Variants in ZFYVE1 observed in about 807,000 individuals in gnomAD.
The protein encoded by ZFYVE1 is zinc finger FYVE domain-containing protein 1.
A neutral mutation model predicts 74.4 loss-of-function variants in ZFYVE1; 30 were observed. That is an observed-to-expected ratio of 0.40 (90% CI 0.30 to 0.55). ZFYVE1 has a LOEUF of 0.55. Among genes scored for constraint, ZFYVE1 ranks in the 20% least tolerant of loss-of-function variants. The pLI is 0.42. For missense variants in ZFYVE1, 703 were observed against 1,011.6 expected (o/e 0.69, Z 4.14); for synonymous variants, 335 against 385.1 (o/e 0.87, Z 1.52).
Position 73,027,009 on chromosome 14 carries a change from G to A in ZFYVE1, c.-518C>T. The A allele has an allele frequency of 1.0e-5, 4 of 398,912 alleles. No homozygotes were observed. Among genetic ancestry groups the A allele is most frequent in the African/African-American group, 2.1e-5 (1 of 48,740 alleles). The allele number at this position is 398,912 out of a possible 1,614,324, so 24.7% of individuals were successfully genotyped here. A position where few individuals can be genotyped will look rare whatever the true frequency, so the allele number is the denominator to read the frequency against. ...GCAGAGGCTATTCCTCAGGACACCG[G>A]CAGATCCATCCTCATCTCCATCTCC... On this transcript the variant is annotated 5_prime_UTR_variant, in exon 1 of 12. Transcript: ENST00000556143.
At position 73,024,016 on chromosome 14, in the gene ZFYVE1, G is replaced by C. The variant is rs373495477; in HGVS notation, c.483+10C>G. On this transcript the variant is annotated intron_variant, in intron 2 of 11. Coordinates refer to ENST00000556143, the MANE Select transcript of ZFYVE1 (RefSeq NM_021260.4). ...ACTACACATGAATCCCACTATACCC[G>C]TGTGCTTACCTGAATTTCTTCATTT... 1 of 1,612,084 alleles carries C rather than the reference G, an allele frequency of 6.2e-7. No homozygotes were observed. The highest frequency in any genetic ancestry group is 8.5e-7 in the Non-Finnish European group (1 of 1,179,312).
intron 4 of ZFYVE1, among the ~76,000 whole-genome samples, chr14:72,990,978 A>G (rs1381943694): frequency 6.6e-6 from 1 of 151,948 alleles, no homozygotes; most frequent in African/African-American, 2.4e-5. Context: ...GGGAATGATT[A>G]CAGGCATGAG....
intron 2 of ZFYVE1, among the ~76,000 whole-genome samples, chr14:73,007,243 C>T (rs779370451): frequency 4.6e-5 from 7 of 152,162 alleles, no homozygotes; most frequent in Non-Finnish European, 8.8e-5. Context: ...GGAAGTTCAA[C>T]ACAGCACAGT....
Position 72,971,076 on chromosome 14 carries a change from G to A in ZFYVE1, c.2140C>T (p.Pro714Ser). Residue 714 changes from proline to serine, a missense_variant, in exon 12 of 12, where the codon CCT becomes TCT. Pro to Ser is a moderately conservative substitution (Grantham distance 74). This residue lies in a region of ZFYVE1 where 492 missense variants were observed against 790.0 expected (regional missense o/e 0.62). Coordinates refer to ENST00000556143, the MANE Select transcript of ZFYVE1 (RefSeq NM_021260.4). ...TGGCAGTGGAGGATTTCGTGGTCAG[G>A]CACCCAGTACGCAGGCCTGGCCGCG... Reference protein sequence around the residue: ...KDAARPAYWVPDHEILHCHNC... With the variant: ...KDAARPAYWVSDHEILHCHNC... 1.2e-6 allele frequency: 2 copies of A among 1,614,148 alleles called. No individual in the cohort carries two copies. The highest frequency in any genetic ancestry group is 3.3e-5 in the Admixed American group (2 of 60,012).
chr14:73,016,250 G>A (rs1208243576), intron 2 of ZFYVE1, among the ~76,000 whole-genome samples: 2 of 152,208 alleles, frequency 1.3e-5, no homozygotes, highest in African/African-American at 2.4e-5. Context: ...CGGTGTTCAC[G>A]CCTGTAATCC....
chr14:72,985,054 C>G (rs1893439723), intron 4 of ZFYVE1, among the ~76,000 whole-genome samples: 1 of 152,208 alleles, frequency 6.6e-6, no homozygotes, highest in African/African-American at 2.4e-5. Flanking sequence ...GAGGTCCTCT[C>G]AAATTTAAGG....
chr14:72,996,016 C>T (rs1000977333), intron 3 of ZFYVE1, among the ~76,000 whole-genome samples: 1 of 152,274 alleles, frequency 6.6e-6, no homozygotes, highest in Admixed American at 6.5e-5. Context: ...TCCTGCCATA[C>T]TTGAGAACTG....
chr14:72,997,682 C>A, intron 3 of ZFYVE1, 129 bp downstream of exon 3: 3 of 1,265,700 alleles, frequency 2.4e-6, no homozygotes, highest in Non-Finnish European at 3.3e-6. Flanking sequence ...CCTTGAAACA[C>A]TTTCTATGTC....
At chr14:73,017,285 A>C (rs1894221549) in intron 2 of ZFYVE1, among the ~76,000 whole-genome samples, 1 of 152,176 alleles carries the variant, frequency 6.6e-6, no homozygotes, top group African/African-American at 2.4e-5. Flanking sequence ...TTATACCACC[A>C]GATAACTCCT....
chr14:73,007,523 G>T (rs867451719), intron 2 of ZFYVE1, among the ~76,000 whole-genome samples: 1 of 151,882 alleles, frequency 6.6e-6, no homozygotes, highest in Non-Finnish European at 1.5e-5. Flanking sequence ...GACTACTGGC[G>T]TGCACCACCA....
intron 2 of ZFYVE1, among the ~76,000 whole-genome samples, chr14:73,011,284 G>C (rs939570210): frequency 6.6e-6 from 1 of 151,628 alleles, no homozygotes; most frequent in South Asian, 2.1e-4. Context: ...CAGGAGGTTC[G>C]AGACCAGAAT....
chr14:73,015,796 G>A (rs538981035), intron 2 of ZFYVE1, among the ~76,000 whole-genome samples: 1 of 152,272 alleles, frequency 6.6e-6, no homozygotes, highest in South Asian at 2.1e-4. Context: ...CAAGCCACAC[G>A]ATGGGTCTTC....
intron 2 of ZFYVE1, among the ~76,000 whole-genome samples, chr14:73,004,716 G>A (rs1198297382): frequency 1.3e-5 from 2 of 152,102 alleles, no homozygotes; most frequent in Non-Finnish European, 1.5e-5. Context: ...AAGGAGGCTA[G>A]GCCAGGTGCA....
At chr14:72,985,157 A>G (rs1893442197) in intron 4 of ZFYVE1, among the ~76,000 whole-genome samples, 1 of 152,180 alleles carries the variant, frequency 6.6e-6, no homozygotes, top group Admixed American at 6.5e-5. Context: ...CTGATGGGAA[A>G]AGGCAGCTTT....
At chr14:73,004,468 A>G (rs1893936381) in intron 2 of ZFYVE1, among the ~76,000 whole-genome samples, 1 of 152,002 alleles carries the variant, frequency 6.6e-6, no homozygotes, top group Non-Finnish European at 1.5e-5. Context: ...TACTATATAT[A>G]TATATATAAC....
chr14:72,990,551 C>T (rs535267350), intron 4 of ZFYVE1, among the ~76,000 whole-genome samples: 34 of 152,014 alleles, frequency 2.2e-4, no homozygotes, highest in African/African-American at 8.2e-4. Context: ...CACGCACCAC[C>T]ACGCGCAGCT....
At chr14:72,986,051 C>T (rs897565265) in intron 4 of ZFYVE1, among the ~76,000 whole-genome samples, 1 of 152,168 alleles carries the variant, frequency 6.6e-6, no homozygotes, top group Non-Finnish European at 1.5e-5. Flanking sequence ...CAGAGGATGC[C>T]AACTCCCAGT....
intron 2 of ZFYVE1, among the ~76,000 whole-genome samples, chr14:73,015,374 AAGGAAGGGGGG>A (rs1275873441): frequency 2.8e-4 from 7 of 24,676 alleles, no homozygotes; most frequent in African/African-American, 7.9e-4. Context: ...GGAAGAGGGG[AAGGAAGGGGGG>A]AAGGAAGAGG....
chr14:73,005,353 T>G (rs1439094140), intron 2 of ZFYVE1, among the ~76,000 whole-genome samples: 2 of 152,144 alleles, frequency 1.3e-5, no homozygotes, highest in Non-Finnish European at 2.9e-5. Flanking sequence ...GACCCCATGG[T>G]GCTCCAATCC....
Sources: allele counts gnomAD v4.1 joint callset (sites outside exome capture counted in the v4.1 genomes callset), GRCh38; gene constraint gnomAD v4.1.1; regional missense constraint gnomAD v4.1.1; transcripts MANE v1.5; gene names NCBI Gene and HGNC (gene_info 2026-07-23, HGNC 2026-07-21).